The following DNAH2 variants were observed in gnomAD, a reference collection of about 807,000 sequenced individuals.
DNAH2 encodes the protein dynein axonemal heavy chain 2.
Under a neutral mutation model 523.5 loss-of-function variants are expected in DNAH2, and 323 were observed. The ratio of observed to expected loss-of-function variants is 0.62; its 90% CI spans 0.56 to 0.68. The LOEUF (loss-of-function observed/expected upper bound fraction) is 0.68, where lower values mean the gene tolerates loss of function less well. Among genes scored for constraint, DNAH2 ranks in the 30% least tolerant of loss-of-function variants. DNAH2 has a pLI of 0.00. For synonymous variants in DNAH2, 2,093 were observed against 2,177.4 expected, an observed-to-expected ratio of 0.96 and a Z score of 1.08; for missense variants, 4,907 against 5,701.5, an observed-to-expected ratio of 0.86 and a Z score of 4.49.
In DNAH2 at chr17:7,763,877, A is replaced by T. The variant is rs905937519; in HGVS notation, c.3025A>T (p.Asn1009Tyr). 3 of 1,614,230 alleles carry T rather than the reference A, an allele frequency of 1.9e-6. No individual in the cohort carries two copies. The highest frequency in any genetic ancestry group is 2.5e-6 in the Non-Finnish European group (3 of 1,180,038). Residue 1009 changes from asparagine (N) to tyrosine (Y), a missense_variant, in exon 19 of 86, where the codon AAC (asparagine) becomes TAC (tyrosine). Physicochemically the swap from Asn to Tyr is moderately radical, Grantham distance 143 (BLOSUM62 -2). Transcript: ENST00000572933. ...CGTGCAGAAGGAGGAGACAGTCACC[A>T]ACATCCAGTTTGTGCTGCTGGACTG... ...NNVQKEETVTNIQFVLLDCSH... is the reference protein window; with the variant it reads ...NNVQKEETVTYIQFVLLDCSH...
Position 7,833,474 on chromosome 17 carries a change from A to G in DNAH2, c.13225A>G (p.Met4409Val), listed in dbSNP as rs1234462134. The G allele has an allele frequency of 5.6e-6, 9 of 1,614,144 alleles. No homozygotes were observed. The highest frequency in any genetic ancestry group is 7.6e-6 in the Non-Finnish European group (9 of 1,180,034). Reference protein sequence around the residue: ...VIGIDLRSGAMTPDHWIKRGT... With the variant: ...VIGIDLRSGAVTPDHWIKRGT... Reference sequence around the variant, plus strand: ...CGGCATTGACCTGCGGTCTGGGGCCATGACACCTGATCATTGGATCAAGAG... The same window carrying G: ...CGGCATTGACCTGCGGTCTGGGGCCGTGACACCTGATCATTGGATCAAGAG... The change falls in exon 86 of 86, where the codon ATG becomes GTG. Residue 4409 changes from methionine (M) to valine (V), a missense_variant. By Grantham distance (21) the Met-to-Val change is conservative. This residue lies in a region of DNAH2 where 1,851 missense variants were observed against 2,139.4 expected (regional missense o/e 0.87). Coordinates refer to ENST00000572933, the MANE Select transcript of DNAH2 (RefSeq NM_020877.5).
At chr17:7,746,785 A>C (rs1009613848) in intron 12 of DNAH2, among the ~76,000 whole-genome samples, 1 of 152,016 alleles carries the variant, frequency 6.6e-6, no homozygotes, top group Non-Finnish European at 1.5e-5. Flanking sequence ...TCAGGAGTTC[A>C]AGACCAGCCT....
rs1215584237 is a variant in DNAH2, at chr17:7,804,330, A to C, written c.9047A>C (p.Glu3016Ala). Residue 3016 changes from glutamate to alanine, a missense_variant, in exon 59 of 86, where the codon GAA (glutamate) becomes GCA (alanine). By Grantham distance (107) the Glu-to-Ala change is moderately radical. Around this residue, in one of 3 missense-constraint regions of DNAH2, gnomAD observed 1,851 missense variants for 2,139.4 expected, o/e 0.87. Coordinates refer to ENST00000572933, the MANE Select transcript of DNAH2 (RefSeq NM_020877.5). ...CGGACAGGCTTGTTCAAGATCGACGAAACTAGGGAAAAGGTGCAAGTGATG... is the reference window on the plus strand; with the variant it reads ...CGGACAGGCTTGTTCAAGATCGACGCAACTAGGGAAAAGGTGCAAGTGATG... ...KLRTGLFKID[E>A]TREKVQVMSL... is the part of the protein sequence containing the mutation. 1.9e-6 allele frequency: 3 copies of C among 1,614,184 alleles called. No homozygotes were observed. Among genetic ancestry groups the C allele is most frequent in the Non-Finnish European group, 2.5e-6 (3 of 1,180,040 alleles).
intron 44 of DNAH2, among the ~76,000 whole-genome samples, chr17:7,789,868 A>G (rs1203570355): frequency 6.6e-6 from 1 of 151,510 alleles, no homozygotes; most frequent in Non-Finnish European, 1.5e-5. Flanking sequence ...GTGAGCCACC[A>G]CTCCTGGCCA....
chr17:7,725,440 A>ATATATATATATATATTTTTTTTTTT (rs958458949), intron 3 of DNAH2, among the ~76,000 whole-genome samples: 1 of 130,506 alleles, frequency 7.7e-6, no homozygotes, highest in Admixed American at 8.0e-5. Context: ...ATATATATAT[A>ATATATATATATATATTTTTTTTTTT]TTTTCTTTTT....
intron 4 of DNAH2, among the ~76,000 whole-genome samples, chr17:7,730,053 A>G (rs2074939966): frequency 6.6e-6 from 1 of 152,108 alleles, no homozygotes; most frequent in Non-Finnish European, 1.5e-5. Flanking sequence ...AGAGGAAAAC[A>G]TAACTGAATG....
intron 48 of DNAH2, among the ~76,000 whole-genome samples, chr17:7,793,509 TTCTTTCTTC>T (rs1396450171): frequency 8.8e-4 from 115 of 130,876 alleles, no homozygotes; most frequent in African/African-American, 2.3e-3. Flanking sequence ...CTTTCTTTCT[TTCTTTCTTC>T]TCTTTCTCTT....
intron 77 of DNAH2, among the ~76,000 whole-genome samples, chr17:7,826,139 C>T (rs2078011376): frequency 1.3e-5 from 2 of 152,328 alleles, no homozygotes; most frequent in East Asian, 3.9e-4. Flanking sequence ...CCTACCTCAG[C>T]CACCTGAGTA....
chr17:7,758,487 A>G lies in DNAH2; in HGVS notation c.2052-8A>G, dbSNP rs1431619626. ...CCCCTCTGGATACCAGGCCTCTCTT[A>G]TGCACAGGATTATTGCCATGCTGTC... On this transcript the variant is annotated splice_polypyrimidine_tract_variant and splice_region_variant and intron_variant, in intron 13 of 85. Coordinates refer to ENST00000572933, the MANE Select transcript of DNAH2 (RefSeq NM_020877.5). 1.2e-6 allele frequency: 2 copies of G among 1,612,748 alleles called. No individual in the cohort carries two copies. The highest frequency in any genetic ancestry group is 1.7e-5 in the Admixed American group (1 of 59,828).
rs2077142223 is a variant in DNAH2, at chr17:7,798,840, C to T, written c.8559+122C>T. 2 of 1,309,792 alleles carry T rather than the reference C, an allele frequency of 1.5e-6. No homozygotes were observed. Among genetic ancestry groups the T allele is most frequent in the Non-Finnish European group, 2.1e-6 (2 of 949,192 alleles). The allele number at this position is 1,309,792 out of a possible 1,614,324, so 81.1% of individuals were successfully genotyped here. A position where few individuals can be genotyped will look rare whatever the true frequency, so the allele number is the denominator to read the frequency against. On this transcript the variant is annotated intron_variant, in intron 55 of 85. Transcript: ENST00000572933. This position sits in a 1 kb window ranked among gnomAD's most constrained non-coding sequence, Gnocchi z 5.5. Reference sequence around the variant, plus strand: ...CCCACTGCCACACCCCCACTGCCCACCTCAGCCCTGTAAGGTGGAAGGTCC... The same window carrying T: ...CCCACTGCCACACCCCCACTGCCCATCTCAGCCCTGTAAGGTGGAAGGTCC...
At chr17:7,766,724 T>C (rs1445203395) in intron 22 of DNAH2, among the ~76,000 whole-genome samples, 1 of 141,282 alleles carries the variant, frequency 7.1e-6, no homozygotes, top group Admixed American at 7.5e-5. Context: ...CTCGGCTCAC[T>C]ATAACCTCTG....
chr17:7,793,045 A>C lies in DNAH2; in HGVS notation c.7409A>C (p.Tyr2470Ser). ...GTTGAGAAGCGAACCAAGGGTGTCT[A>C]CGTGCCATTCGGGGGCAAAAGCATG... Reference protein sequence around the residue: ...SRVEKRTKGVYVPFGGKSMIT... With the variant: ...SRVEKRTKGVSVPFGGKSMIT... The change falls in exon 48 of 86, where the codon TAC (tyrosine) becomes TCC (serine). Residue 2470 changes from tyrosine to serine, a missense_variant. Tyr to Ser is a moderately radical substitution (Grantham distance 144). Transcript: ENST00000572933. 1 of 1,614,212 alleles carries C rather than the reference A, an allele frequency of 6.2e-7. No homozygotes were observed. The highest frequency in any genetic ancestry group is 8.5e-7 in the Non-Finnish European group (1 of 1,180,022).
At chr17:7,743,355 T>C (rs1290451666) in intron 12 of DNAH2, 2 of 713,382 alleles carry the variant, frequency 2.8e-6, no homozygotes, top group Non-Finnish European at 5.1e-6. Context: ...ACAACTTATC[T>C]TAAAACACAA....
At chr17:7,761,243 G>A (rs1268063994) in intron 18 of DNAH2, among the ~76,000 whole-genome samples, 1 of 152,114 alleles carries the variant, frequency 6.6e-6, no homozygotes, top group Admixed American at 6.6e-5. Context: ...AGGCAGATGG[G>A]AGTTAAATAG....
Position 7,754,499 on chromosome 17 carries a change from A to C in DNAH2, c.1905-2592A>C. The C allele has an allele frequency of 1.2e-6, 1 of 800,294 alleles. No individual in the cohort carries two copies. Among genetic ancestry groups the C allele is most frequent in the East Asian group, 2.4e-5 (1 of 41,112 alleles). 49.6% of individuals were successfully genotyped at this position (800,294 alleles called of 1,614,324 possible). On this transcript the variant is annotated intron_variant, in intron 12 of 85. Coordinates refer to ENST00000572933, the MANE Select transcript of DNAH2 (RefSeq NM_020877.5). The surrounding 1 kb of genome is among the most constrained non-coding windows in gnomAD (Gnocchi z 4.6). ...AAATCTCTTAAGGGGGTGGACTCCA[A>C]GTTCCTGAGGAACATGCGCTTTGCC...
intron 35 of DNAH2, 98 bp downstream of exon 35, chr17:7,778,567 C>A: frequency 1.9e-6 from 2 of 1,070,416 alleles, no homozygotes; most frequent in East Asian, 2.6e-5. Context: ...TTTGTAGCTT[C>A]ATGACATTGC....
At chr17:7,723,191 T>G (rs1206989039) in intron 2 of DNAH2, among the ~76,000 whole-genome samples, 2 of 150,642 alleles carry the variant, frequency 1.3e-5, no homozygotes, top group Non-Finnish European at 3.0e-5. Flanking sequence ...AGGATGGTCT[T>G]GATCTCCTGA....
chr17:7,787,642 G>A (rs530404384), intron 42 of DNAH2: 490 of 502,400 alleles, frequency 9.8e-4, no homozygotes, highest in Middle Eastern at 3.4e-3. Flanking sequence ...AGGCTGAGGT[G>A]GGAGGATTGC....
In DNAH2 at chr17:7,801,518, C is replaced by A. The variant is rs1597709962; in HGVS notation, c.8700-60C>A. 3 of 1,603,862 alleles carry A rather than the reference C, an allele frequency of 1.9e-6. No homozygotes were observed. In the East Asian group the frequency reaches 6.7e-5, roughly 36 times the overall value. On this transcript the variant is annotated intron_variant, in intron 56 of 85. Transcript: ENST00000572933. ...AAGTGAGTGGATGCGTGTTGGGAAGCCAGTACCTGGAGGCTGTGTCTGTGC... is the reference window on the plus strand; with the variant it reads ...AAGTGAGTGGATGCGTGTTGGGAAGACAGTACCTGGAGGCTGTGTCTGTGC...
Sources: allele counts gnomAD v4.1 joint callset (sites outside exome capture counted in the v4.1 genomes callset), GRCh38; gene constraint gnomAD v4.1.1; regional missense constraint gnomAD v4.1.1; non-coding constraint Gnocchi (gnomAD v3.1); transcripts MANE v1.5; gene names NCBI Gene and HGNC (gene_info 2026-07-23, HGNC 2026-07-21).